Variants in SOX5 observed in about 807,000 individuals in gnomAD.
The protein encoded by SOX5 is SRY-box transcription factor 5.
In SOX5, 9 loss-of-function variants were observed where a neutral mutation model predicts 92.0. The observed-to-expected ratio is 0.10, with a 90% CI of 0.06 to 0.17. The LOEUF (loss-of-function observed/expected upper bound fraction) is 0.17. SOX5 is among the 10% of genes least tolerant of loss of function. The pLI, the probability that SOX5 is intolerant of heterozygous loss-of-function variation, is 1.00. For synonymous variants in SOX5, 344 were observed against 336.3 expected (o/e 1.02, Z -0.25); for missense variants, 642 against 944.5 (o/e 0.68, Z 4.20).
At chr12:23,945,938 C>T (rs1944520971) in intron 1 of SOX5, among the ~76,000 whole-genome samples, 1 of 152,012 alleles carries the variant, frequency 6.6e-6, no homozygotes, top group East Asian at 1.9e-4. Flanking sequence ...CCACTAATGT[C>T]AGAGAGTAGT....
At chr12:23,568,938 C>T (rs1360326828) in intron 10 of SOX5, among the ~76,000 whole-genome samples, 3 of 151,736 alleles carry the variant, frequency 2.0e-5, no homozygotes, top group Non-Finnish European at 4.4e-5. Flanking sequence ...CCTCTAATCC[C>T]AGCACTTTGG....
chr12:24,438,344 T>C (rs1399500551), intron 1 of SOX5, among the ~76,000 whole-genome samples: 2 of 152,080 alleles, frequency 1.3e-5, no homozygotes, highest in East Asian at 1.9e-4. Flanking sequence ...GATGGGTTGA[T>C]GGGTGCAGCA....
intron 3 of SOX5, among the ~76,000 whole-genome samples, chr12:24,247,986 A>G: frequency 6.6e-6 from 1 of 151,936 alleles, no homozygotes; most frequent in East Asian, 1.9e-4. Context: ...CTTTTTAAAA[A>G]CACCAGAGAC....
chr12:24,020,644 A>G (rs17402927), intron 4 of SOX5, among the ~76,000 whole-genome samples: 2,757 of 152,308 alleles, frequency 0.018, 28 homozygotes, highest in South Asian at 0.028. Flanking sequence ...TTGGATTAAT[A>G]ACTCCAAACA....
At chr12:24,227,614 G>C (rs938932865) in intron 3 of SOX5, 4 of 152,144 alleles carry the variant, frequency 2.6e-5, no homozygotes, top group African/African-American at 9.7e-5. Context: ...TTGGTGGGGG[G>C]CGGTGAGGGA....
At chr12:24,437,840 T>C (rs2137135991) in intron 1 of SOX5, among the ~76,000 whole-genome samples, 1 of 152,320 alleles carries the variant, frequency 6.6e-6, no homozygotes, top group Non-Finnish European at 1.5e-5. Context: ...GGTAGGAATG[T>C]AAATTAGTTC....
At chr12:24,289,883 A>T (rs1946422121) in intron 2 of SOX5, among the ~76,000 whole-genome samples, 1 of 152,220 alleles carries the variant, frequency 6.6e-6, no homozygotes, top group Non-Finnish European at 1.5e-5. Flanking sequence ...AGACATGCTT[A>T]CTGTGCATTA....
intron 4 of SOX5, among the ~76,000 whole-genome samples, chr12:24,189,756 C>T (rs1349441575): frequency 2.0e-5 from 3 of 152,122 alleles, no homozygotes. Context: ...TGGCTCTATG[C>T]ACTATTTTTG....
At chr12:24,496,880 G>C (rs1440031594) in intron 1 of SOX5, among the ~76,000 whole-genome samples, 1 of 152,094 alleles carries the variant, frequency 6.6e-6, no homozygotes, top group Non-Finnish European at 1.5e-5. Context: ...GAATATACAA[G>C]TTCTACTGGC....
At position 24,515,276 on chromosome 12, in the gene SOX5, A is replaced by G. The variant is rs184444735; in HGVS notation, c.-251+47053T>C. Among the ~76,000 whole-genome samples, 18 of 152,322 alleles carry G rather than the reference A, an allele frequency of 1.2e-4. 1 individual carries two copies. In the East Asian group the frequency reaches 3.5e-3, roughly 29 times the overall value. ...CTACTTACTTGTACTATTGAATCAC[A>G]GTTTTCTCATCAGTAAAACTGGGTT... On this transcript the variant is annotated intron_variant, in intron 1 of 4. Transcript: ENST00000446891.
Position 23,534,542 on chromosome 12 carries a change from C to CA in SOX5, c.1989-21dup. ...TGTTGCCTGTCAAGAAAGGAATTTC[C>CA]AAAAAGACATCGTGGGTAAGTGAAT... On this transcript the variant is annotated intron_variant, in intron 14 of 14. Coordinates refer to ENST00000451604, the MANE Select transcript of SOX5 (RefSeq NM_006940.6). The CA allele has an allele frequency of 3.1e-6, 5 of 1,594,232 alleles. No individual in the cohort carries two copies. The highest frequency in any genetic ancestry group is 4.3e-6 in the Non-Finnish European group (5 of 1,170,306).
At chr12:23,580,167 A>G (rs1156985943) in intron 9 of SOX5, among the ~76,000 whole-genome samples, 1 of 152,042 alleles carries the variant, frequency 6.6e-6, no homozygotes, top group East Asian at 1.9e-4. Flanking sequence ...CACGACTATG[A>G]AGTAATTACA....
At chr12:24,448,329 C>T (rs1484835665) in intron 1 of SOX5, among the ~76,000 whole-genome samples, 2 of 152,220 alleles carry the variant, frequency 1.3e-5, no homozygotes, top group Admixed American at 6.5e-5. Context: ...TTTTCTAAAT[C>T]TCAAATTGTA....
chr12:23,864,349 G>A (rs920775656), intron 2 of SOX5, among the ~76,000 whole-genome samples: 3 of 152,010 alleles, frequency 2.0e-5, no homozygotes, highest in Admixed American at 6.6e-5. Context: ...GCCTCTAAGG[G>A]TTCAAGTAAA....
chr12:24,328,831 G>T (rs545057495), intron 2 of SOX5, among the ~76,000 whole-genome samples: 9 of 152,244 alleles, frequency 5.9e-5, no homozygotes, highest in African/African-American at 1.9e-4. Flanking sequence ...TGTCTTTAAA[G>T]TTCCCTTCAT....
rs185048008 is a variant in SOX5, at chr12:24,495,250, C to T, written c.-251+67079G>A. Among the ~76,000 whole-genome samples, 622 of 152,238 alleles carry T rather than the reference C, an allele frequency of 4.1e-3. 2 individuals are homozygous for T. Among genetic ancestry groups the T allele is most frequent in the Non-Finnish European group, 6.5e-3 (445 of 68,012 alleles). On this transcript the variant is annotated intron_variant, in intron 1 of 4. Coordinates refer to the SOX5 transcript ENST00000446891. ...AGTATCTGTTATGGCCCCTGCAGCA[C>T]AGTATGGACCAAATATAAGTAAGAT... is the stretch of plus-strand genomic sequence containing the variant.
intron 4 of SOX5, among the ~76,000 whole-genome samples, chr12:24,092,665 G>T (rs554595597): frequency 1.3e-5 from 2 of 152,056 alleles, no homozygotes; most frequent in Non-Finnish European, 2.9e-5. Flanking sequence ...TCCAAGCAAC[G>T]GATACAAAAG....
intron 4 of SOX5, among the ~76,000 whole-genome samples, chr12:24,090,139 AT>A (rs1944468833): frequency 6.6e-6 from 1 of 152,146 alleles, no homozygotes; most frequent in African/African-American, 2.4e-5. Flanking sequence ...AGACTACCCC[AT>A]TTTTAAAAAC....
intron 1 of SOX5, among the ~76,000 whole-genome samples, chr12:24,506,312 T>A (rs138042094): frequency 1.0e-3 from 154 of 151,510 alleles, no homozygotes; most frequent in Admixed American, 1.8e-3. Context: ...AGCAAGCAAA[T>A]CTGGCTGACA....
Sources: gnomAD v4.1 joint callset for allele counts (sites outside exome capture counted in the v4.1 genomes callset) on GRCh38, gnomAD v4.1.1 for gene constraint, MANE v1.5 for transcripts, NCBI Gene and HGNC (gene_info 2026-07-23, HGNC 2026-07-21) for gene names.